The following EZH2 variants were observed in gnomAD, a reference collection of about 807,000 sequenced individuals.
EZH2 encodes the protein enhancer of zeste 2 polycomb repressive complex 2 subunit.
Under a neutral mutation model 98.4 loss-of-function variants are expected in EZH2, and 18 were observed. The ratio of observed to expected loss-of-function variants is 0.18; its 90% CI spans 0.13 to 0.27. The LOEUF is 0.27. EZH2 is among the 10% of genes least tolerant of loss of function. EZH2 has a pLI of 1.00. For missense variants in EZH2, 470 were observed against 935.1 expected (o/e 0.50, Z 6.49); for synonymous variants, 338 against 312.3 (o/e 1.08, Z -0.87).
chr7:148,820,111 C>T (rs1479156639), intron 8 of EZH2, among the ~76,000 whole-genome samples: 4 of 152,174 alleles, frequency 2.6e-5, no homozygotes, highest in African/African-American at 9.7e-5. Flanking sequence ...ATCAGCTTGT[C>T]ACCAGTTGTA....
intron 3 of EZH2, among the ~76,000 whole-genome samples, chr7:148,834,153 C>G (rs1206202432): frequency 1.3e-5 from 2 of 152,078 alleles, no homozygotes; most frequent in Non-Finnish European, 1.5e-5. Context: ...TGGTATAACT[C>G]TGTGCCTAAA....
intron 8 of EZH2, 115 bp downstream of exon 8, chr7:148,826,339 A>C (rs1807700607): frequency 1.3e-6 from 1 of 786,188 alleles, no homozygotes; most frequent in Admixed American, 4.1e-5. Flanking sequence ...ATCTAAAGAT[A>C]TTTGTCAAAG....
At position 148,815,012 on chromosome 7, in the gene EZH2, T is replaced by C; in HGVS notation, c.1574A>G (p.Tyr525Cys). The change falls in exon 14 of 20, where the codon TAT becomes TGT. Residue 525 changes from tyrosine to cysteine, a missense_variant. Transcript: ENST00000320356. ...CTGCCGTGGATGATCACAGGGTTGATAGTTGTAAACATGGTTAGAGGAGCC... is the reference window on the plus strand; with the variant it reads ...CTGCCGTGGATGATCACAGGGTTGACAGTTGTAAACATGGTTAGAGGAGCC... ...KDGSSNHVYN[Y>C]QPCDHPRQPC... The C allele has an allele frequency of 6.2e-7, 1 of 1,614,132 alleles. No individual in the cohort carries two copies. The highest frequency in any genetic ancestry group is 8.5e-7 in the Non-Finnish European group (1 of 1,180,002).
chr7:148,811,365 G>C (rs1803035154), intron 16 of EZH2, among the ~76,000 whole-genome samples: 1 of 152,080 alleles, frequency 6.6e-6, no homozygotes, highest in Non-Finnish European at 1.5e-5. Flanking sequence ...TGCCCATGCT[G>C]GTCTCCAACT....
intron 1 of EZH2, among the ~76,000 whole-genome samples, chr7:148,873,529 C>G (rs1201115202): frequency 7.4e-6 from 1 of 135,142 alleles, no homozygotes; most frequent in Non-Finnish European, 1.6e-5. Flanking sequence ...ATTGTAAGAT[C>G]AGTTTGCAGA....
Position 148,817,146 on chromosome 7 carries a change from CTTTG to C in EZH2, c.1410+72_1410+75del, listed in dbSNP as rs759267364. On this transcript the variant is annotated intron_variant, in intron 11 of 19. Coordinates refer to ENST00000320356, the MANE Select transcript of EZH2 (RefSeq NM_004456.5). ...GAGCTTAGTAATAACCAAGAATTTTCTTTGTTTGGACAACGAGTACAGTTTTATC... is the reference window on the plus strand; with the variant it reads ...GAGCTTAGTAATAACCAAGAATTTTCTTTGGACAACGAGTACAGTTTTATC... 1.2e-4 allele frequency: 162 copies of C among 1,387,030 alleles called. 1 individual carries two copies. Among genetic ancestry groups the C allele is most frequent in the East Asian group, 5.1e-4 (21 of 41,210 alleles). 85.9% of individuals were successfully genotyped at this position (1,387,030 alleles called of 1,614,324 possible).
chr7:148,813,838 T>C (rs1210023078), intron 15 of EZH2, 121 bp downstream of exon 15: 2 of 1,016,512 alleles, frequency 2.0e-6, no homozygotes, highest in Non-Finnish European at 2.9e-6. Flanking sequence ...TTCTCATCAG[T>C]TGCACCTTTC....
intron 4 of EZH2, among the ~76,000 whole-genome samples, chr7:148,831,443 C>T (rs75098231): frequency 7.9e-4 from 121 of 152,302 alleles, no homozygotes; most frequent in African/African-American, 2.6e-3. Context: ...TCATCCTGCT[C>T]TCCAAAACGT....
At chr7:148,855,625 C>T (rs935815463) in intron 1 of EZH2, among the ~76,000 whole-genome samples, 1 of 152,030 alleles carries the variant, frequency 6.6e-6, no homozygotes, top group African/African-American at 2.4e-5. Flanking sequence ...ATCAGGTGGG[C>T]GCTGTGGCTC....
intron 1 of EZH2, 83 bp from the exon 2 acceptor site, chr7:148,847,388 A>ACAAT: frequency 2.0e-6 from 3 of 1,527,596 alleles, no homozygotes; most frequent in Non-Finnish European, 2.7e-6. Context: ...CAGCAAACTA[A>ACAAT]CAATCAGTGA....
At chr7:148,875,809 T>G (rs1457379894) in intron 1 of EZH2, among the ~76,000 whole-genome samples, 2 of 152,208 alleles carry the variant, frequency 1.3e-5, no homozygotes, top group Non-Finnish European at 2.9e-5. Context: ...TGTCCATCCA[T>G]GGGTAAATGA....
rs1432098415 is a variant in EZH2 at position 148,861,794 on chromosome 7, T to C, written c.-7-14489A>G. ...CAGACCAGCCTGAGCAACATAGCCT[T>C]CTTTTATTTAAAAAAAAAAAAAAAA... On this transcript the variant is annotated intron_variant, in intron 1 of 19. Coordinates refer to ENST00000320356, the MANE Select transcript of EZH2 (RefSeq NM_004456.5). Among the ~76,000 whole-genome samples, 3 of 118,302 alleles carry C rather than the reference T, an allele frequency of 2.5e-5. No individual in the cohort carries two copies. The East Asian group carries it at 7.1e-4, about 28-fold the overall frequency. 77.6% of individuals were successfully genotyped at this position (118,302 alleles called of 152,430 possible). A position where few individuals can be genotyped will look rare whatever the true frequency, so the allele number is the denominator to read the frequency against.
intron 1 of EZH2, among the ~76,000 whole-genome samples, chr7:148,857,750 CAAATAAATAAAT>C (rs559331887): frequency 3.3e-5 from 5 of 151,368 alleles, no homozygotes; most frequent in East Asian, 1.9e-4. Context: ...GACTCCGTCC[CAAATAAATAAAT>C]AAATAAATAA....
In EZH2 at chr7:148,807,703, G is replaced by A. The variant is rs776312600; in HGVS notation, c.2199C>T (p.Tyr733=). 1.9e-6 allele frequency: 3 copies of A among 1,589,440 alleles called. No homozygotes were observed. Among genetic ancestry groups the A allele is most frequent in the African/African-American group, 2.7e-5 (2 of 74,238 alleles). Residue 733 remains tyrosine, a synonymous_variant, in exon 20 of 20, where the codon TAC becomes TAT. Coordinates refer to ENST00000320356, the MANE Select transcript of EZH2 (RefSeq NM_004456.5). ...CATACTTCAGGGCATCAGCCTGGCT[G>A]TATCTGAAACAACAGGAAGGAGATG... ...TGEELFFDYR[Y]SQADALKYVG...
intron 4 of EZH2, among the ~76,000 whole-genome samples, 161 bp downstream of exon 4, chr7:148,832,473 A>G (rs534538399): frequency 4.1e-4 from 62 of 152,346 alleles, no homozygotes; most frequent in African/African-American, 1.4e-3. Flanking sequence ...CAGGCCTTAA[A>G]AAAACTACCT....
intron 15 of EZH2, among the ~76,000 whole-genome samples, chr7:148,813,094 GAGC>G (rs1803591857): frequency 6.6e-6 from 1 of 151,162 alleles, no homozygotes; most frequent in Admixed American, 6.6e-5. Flanking sequence ...CAGAGCATAA[GAGC>G]AGGTTAATGG....
chr7:148,855,221 G>A (rs1816616016), intron 1 of EZH2, among the ~76,000 whole-genome samples: 2 of 152,260 alleles, frequency 1.3e-5, no homozygotes, highest in Admixed American at 1.3e-4. Flanking sequence ...CAGAGAGAGT[G>A]CTGTCATGAT....
At chr7:148,807,777 A>C in intron 19 of EZH2, 71 bp from the exon 20 acceptor site, 1 of 861,124 alleles carries the variant, frequency 1.2e-6, no homozygotes, top group Non-Finnish European at 1.8e-6. Context: ...TAACACAACA[A>C]AGCCTGCTGA....
intron 8 of EZH2, 50 bp from the exon 9 acceptor site, chr7:148,819,737 T>G (rs1283304084): frequency 6.7e-6 from 10 of 1,500,156 alleles, no homozygotes; most frequent in Middle Eastern, 1.7e-4. Flanking sequence ...AAATACTTAC[T>G]TTTTCACTCT....
Sources: gnomAD v4.1 joint callset for allele counts (sites outside exome capture counted in the v4.1 genomes callset) on GRCh38, gnomAD v4.1.1 for gene constraint, MANE v1.5 for transcripts, NCBI Gene and HGNC (gene_info 2026-07-23, HGNC 2026-07-21) for gene names.